The following FTO variants were observed in gnomAD, a reference collection of about 807,000 sequenced individuals.
FTO encodes the protein FTO alpha-ketoglutarate dependent dioxygenase.
Under a neutral mutation model 63.9 loss-of-function variants are expected in FTO, and 47 were observed. The observed-to-expected ratio is 0.74, with a 90% CI of 0.58 to 0.94. FTO has a LOEUF of 0.94. Among genes scored for constraint, FTO ranks in the 40% least tolerant of loss-of-function variants. FTO has a pLI of 0.00. For missense variants in FTO, 562 were observed against 618.1 expected, an observed-to-expected ratio of 0.91 and a Z score of 0.96; for synonymous variants, 207 against 224.4, an observed-to-expected ratio of 0.92 and a Z score of 0.69.
chr16:53,963,390 C>T (rs12446047), intron 8 of FTO, among the ~76,000 whole-genome samples: 69,147 of 151,960 alleles, frequency 0.46, 16,488 homozygotes, highest in East Asian at 0.74. Context: ...TAGGGAAGAC[C>T]TCAGCATGCA....
intron 3 of FTO, among the ~76,000 whole-genome samples, chr16:53,839,642 A>G (rs934039985): frequency 6.6e-6 from 1 of 152,122 alleles, no homozygotes; most frequent in Non-Finnish European, 1.5e-5. Context: ...GAAAGTAGTC[A>G]AGCAGACTGT....
intron 8 of FTO, among the ~76,000 whole-genome samples, chr16:54,065,459 C>T (rs537836821): frequency 1.4e-4 from 21 of 152,238 alleles, no homozygotes; most frequent in African/African-American, 3.6e-4. Flanking sequence ...CCACCGCATC[C>T]GGCCCACAGT....
rs192686814 is a variant in FTO, at chr16:53,840,260, G to A, written c.752-3895G>A. 7.8e-4 allele frequency among the ~76,000 whole-genome samples: 119 copies of A among 152,008 alleles called. 1 individual carries two copies. Among genetic ancestry groups the A allele is most frequent in the African/African-American group, 2.8e-3 (117 of 41,466 alleles). ...ATCATTAGTGCCCCCCTAGAATGAA[G>A]CAGCCAAGTCTTGGGTTATCACAAA... On this transcript the variant is annotated intron_variant, in intron 3 of 8. Coordinates refer to ENST00000471389, the MANE Select transcript of FTO (RefSeq NM_001080432.3).
rs1221392510 is a variant in FTO, at chr16:53,970,603, AAAAAG to A, written c.1364+36504_1364+36508del. On this transcript the variant is annotated intron_variant, in intron 8 of 8. Transcript: ENST00000471389. Reference sequence around the variant, plus strand: ...GAGACTCCATCTCAAAAAAAAAAAAAAAAAGAAAAGAAAAAAGAAAAAGACAACAG... The same window carrying A: ...GAGACTCCATCTCAAAAAAAAAAAAAAAAAGAAAAAAGAAAAAGACAACAG... 8.6e-5 allele frequency among the ~76,000 whole-genome samples: 13 copies of A among 151,802 alleles called. No individual in the cohort carries two copies. In the East Asian group the frequency reaches 2.5e-3, roughly 29 times the overall value.
intron 3 of FTO, among the ~76,000 whole-genome samples, chr16:53,832,819 ACCCATTTAAACAATTACTC>A (rs1341090734): frequency 1.3e-5 from 2 of 152,094 alleles, no homozygotes; most frequent in African/African-American, 4.8e-5. Flanking sequence ...AAATCTCTGT[ACCCATTTAAACAATTACTC>A]CCCATTTCTC....
intron 2 of FTO, among the ~76,000 whole-genome samples, chr16:53,822,327 C>T (rs370662062): frequency 5.3e-5 from 8 of 152,136 alleles, no homozygotes; most frequent in African/African-American, 1.9e-4. Flanking sequence ...TCCTTCTAGC[C>T]TATTCCAATA....
At chr16:54,111,264 T>G (rs1324991999) in intron 8 of FTO, among the ~76,000 whole-genome samples, 1 of 152,194 alleles carries the variant, frequency 6.6e-6, no homozygotes, top group Non-Finnish European at 1.5e-5. Context: ...CACAGCAAGC[T>G]GGGACACTTG....
intron 8 of FTO, among the ~76,000 whole-genome samples, chr16:53,995,169 A>G (rs1248681679): frequency 6.6e-6 from 1 of 152,190 alleles, no homozygotes; most frequent in Non-Finnish European, 1.5e-5. Context: ...TGCAGTTATC[A>G]TGTTAAACTT....
chr16:53,831,363 T>A (rs1750241765), intron 3 of FTO, among the ~76,000 whole-genome samples: 1 of 152,150 alleles, frequency 6.6e-6, no homozygotes, highest in South Asian at 2.1e-4. Flanking sequence ...TTTGGTCTTA[T>A]AAGTCACATT....
intron 1 of FTO, among the ~76,000 whole-genome samples, chr16:53,780,614 C>T (rs2077564520): frequency 6.6e-6 from 1 of 152,056 alleles, no homozygotes; most frequent in Non-Finnish European, 1.5e-5. Flanking sequence ...AGGTGATTCA[C>T]CCACCTCGGC....
chr16:54,093,075 G>C (rs775034996), intron 8 of FTO, among the ~76,000 whole-genome samples: 1 of 126,292 alleles, frequency 7.9e-6, no homozygotes, highest in Non-Finnish European at 1.7e-5. Flanking sequence ...GAAAGCCAGA[G>C]CAAGAGTGTT....
intron 1 of FTO, among the ~76,000 whole-genome samples, chr16:53,723,730 C>CCTAA (rs2076090876): frequency 6.6e-6 from 1 of 152,140 alleles, no homozygotes; most frequent in Non-Finnish European, 1.5e-5. Flanking sequence ...TCACCAAGGA[C>CCTAA]CTAACGAAAA....
chr16:54,049,364 G>A (rs553281336), intron 8 of FTO, among the ~76,000 whole-genome samples: 1 of 152,320 alleles, frequency 6.6e-6, no homozygotes, highest in South Asian at 2.1e-4. Flanking sequence ...AGAGATGGCT[G>A]CCCGTTTATG....
chr16:53,858,073 T>TA lies in FTO; in HGVS notation c.895+13784dup, dbSNP rs1013464075. 9.6e-4 allele frequency among the ~76,000 whole-genome samples: 145 copies of TA among 151,474 alleles called. 3 individuals carry two copies. Among genetic ancestry groups the TA allele is most frequent in the Non-Finnish European group, 5.3e-4 (36 of 67,818 alleles). On this transcript the variant is annotated intron_variant, in intron 4 of 8. Coordinates refer to ENST00000471389, the MANE Select transcript of FTO (RefSeq NM_001080432.3). ...CAAAGGATAAACATATTACTAAGTA[T>TA]AAAAAAAAACTAGAAGGAATTAGAC...
chr16:53,940,081 T>C (rs2082491359), intron 8 of FTO, among the ~76,000 whole-genome samples: 1 of 152,202 alleles, frequency 6.6e-6, no homozygotes, highest in Non-Finnish European at 1.5e-5. Context: ...CTGTTTTTCA[T>C]GTCTGTTACA....
chr16:53,857,440 G>GTCTCTCTCTCTCTC (rs147635985), intron 4 of FTO, among the ~76,000 whole-genome samples: 119 of 142,030 alleles, frequency 8.4e-4, no homozygotes, highest in African/African-American at 2.8e-3. Flanking sequence ...TGAGAACCTG[G>GTCTCTCTCTCTCTC]TCTCTCTCTC....
At chr16:53,824,905 G>T (rs1199416356) in intron 2 of FTO, among the ~76,000 whole-genome samples, 1 of 152,176 alleles carries the variant, frequency 6.6e-6, no homozygotes, top group Admixed American at 6.5e-5. Flanking sequence ...CGATTCACAT[G>T]CCAAGTCCTA....
intron 1 of FTO, among the ~76,000 whole-genome samples, chr16:53,746,776 A>C (rs2076660657): frequency 6.6e-6 from 1 of 152,196 alleles, no homozygotes; most frequent in African/African-American, 2.4e-5. Context: ...ACTGCAGTAT[A>C]TCTAAAGTAG....
At chr16:53,804,078 A>G (rs905819793) in intron 1 of FTO, among the ~76,000 whole-genome samples, 3 of 152,202 alleles carry the variant, frequency 2.0e-5, no homozygotes, top group African/African-American at 4.8e-5. Flanking sequence ...TGTGCCAGAC[A>G]CTGTTCTTAG....
Sources: gnomAD v4.1 joint callset for allele counts (sites outside exome capture counted in the v4.1 genomes callset) on GRCh38, gnomAD v4.1.1 for gene constraint, MANE v1.5 for transcripts, NCBI Gene and HGNC (gene_info 2026-07-23, HGNC 2026-07-21) for gene names.